Variants in TMEM132B observed in about 807,000 individuals in gnomAD.
The protein encoded by TMEM132B is transmembrane protein 132B.
Under a neutral mutation model 90.8 loss-of-function variants are expected in TMEM132B, and 18 were observed. That is an observed-to-expected ratio of 0.20 (90% CI 0.14 to 0.29). The LOEUF (loss-of-function observed/expected upper bound fraction) is 0.29, where lower values mean the gene tolerates loss of function less well. Among genes scored for constraint, TMEM132B ranks in the 10% least tolerant of loss-of-function variants. The pLI, the probability that TMEM132B is intolerant of heterozygous loss-of-function variation, is 1.00. For synonymous variants in TMEM132B, 504 were observed against 523.3 expected, an observed-to-expected ratio of 0.96 and a Z score of 0.50; for missense variants, 1,096 against 1,326.8, an observed-to-expected ratio of 0.83 and a Z score of 2.70.
intron 2 of TMEM132B, among the ~76,000 whole-genome samples, chr12:125,396,647 C>T (rs1342348069): frequency 6.6e-6 from 1 of 151,978 alleles, no homozygotes; most frequent in Non-Finnish European, 1.5e-5. Flanking sequence ...GCTGGGACTG[C>T]AGGCACGTGC....
At chr12:125,543,910 G>A (rs1367267427) in intron 4 of TMEM132B, among the ~76,000 whole-genome samples, 1 of 151,102 alleles carries the variant, frequency 6.6e-6, no homozygotes, top group Non-Finnish European at 1.5e-5. Flanking sequence ...TATGTTCACT[G>A]CAGCACTATT....
At chr12:125,613,533 C>T (rs911321947) in intron 5 of TMEM132B, among the ~76,000 whole-genome samples, 1 of 151,562 alleles carries the variant, frequency 6.6e-6, no homozygotes, top group African/African-American at 2.4e-5. Context: ...TCTAGTGTAA[C>T]ATTTTAATTT....
intron 2 of TMEM132B, among the ~76,000 whole-genome samples, chr12:125,402,461 A>G (rs1474258682): frequency 1.3e-5 from 2 of 152,196 alleles, no homozygotes; most frequent in African/African-American, 2.4e-5. Context: ...ACCGGCATGA[A>G]TCACCATGCC....
chr12:125,237,938 G>A (rs989289770), intron 1 of TMEM132B, among the ~76,000 whole-genome samples: 5 of 152,160 alleles, frequency 3.3e-5, no homozygotes, highest in Non-Finnish European at 7.4e-5. Context: ...TGGTTCCTTA[G>A]AGGGGCCATG....
At chr12:125,593,665 T>G (rs779463938) in intron 5 of TMEM132B, among the ~76,000 whole-genome samples, 7 of 152,198 alleles carry the variant, frequency 4.6e-5, no homozygotes, top group African/African-American at 4.8e-5. Context: ...GGACTCTCAT[T>G]CATGTTTGGG....
intron 5 of TMEM132B, among the ~76,000 whole-genome samples, chr12:125,590,519 GTT>G (rs1885291878): frequency 6.6e-6 from 1 of 152,148 alleles, no homozygotes; most frequent in Non-Finnish European, 1.5e-5. Flanking sequence ...AAGGTAGAAG[GTT>G]CCCTGTAGTC....
At chr12:125,371,340 G>C (rs866731732) in intron 2 of TMEM132B, among the ~76,000 whole-genome samples, 2 of 152,174 alleles carry the variant, frequency 1.3e-5, no homozygotes, top group Non-Finnish European at 2.9e-5. Context: ...CTTCAATCAA[G>C]TTGACGCTTA....
Position 125,539,030 on chromosome 12 carries a change from C to G in TMEM132B, c.1293+19405C>G, listed in dbSNP as rs567370220. Among the ~76,000 whole-genome samples, 3 of 152,264 alleles carry G rather than the reference C, an allele frequency of 2.0e-5. No homozygotes were observed. The South Asian group carries it at 6.2e-4, about 32-fold the overall frequency. ...CCAGACCGCCTGTCCTGGCCTCCTG[C>G]CTGGTCTCCCTGTTCCACTCCCGTG... On this transcript the variant is annotated intron_variant, in intron 4 of 8. Coordinates refer to ENST00000682704, the MANE Select transcript of TMEM132B (RefSeq NM_001366854.1).
intron 5 of TMEM132B, among the ~76,000 whole-genome samples, chr12:125,591,475 C>T (rs2136894827): frequency 6.6e-6 from 1 of 152,272 alleles, no homozygotes; most frequent in South Asian, 2.1e-4. Context: ...TTACAAGGAC[C>T]CTTGTGATTA....
chr12:125,318,659 C>CTT (rs1876347859), intron 1 of TMEM132B, among the ~76,000 whole-genome samples: 1 of 152,190 alleles, frequency 6.6e-6, no homozygotes, highest in Admixed American at 6.5e-5. Context: ...AGGACAATGG[C>CTT]TTCCAGCTCC....
At position 125,326,903 on chromosome 12, in the gene TMEM132B, A is replaced by G. The variant is rs562925103; in HGVS notation, c.68-22549A>G. Among the ~76,000 whole-genome samples the G allele has an allele frequency of 1.4e-3, 209 of 152,180 alleles. 2 individuals are homozygous for G. The highest frequency in any genetic ancestry group is 5.0e-3 in the African/African-American group (206 of 41,518). ...GGCTGCCAAAGCTATTGCCACATGC[A>G]GGGGCCACTTCTCCAGGCTTGGCTT... On this transcript the variant is annotated intron_variant, in intron 1 of 8. Coordinates refer to ENST00000682704, the MANE Select transcript of TMEM132B (RefSeq NM_001366854.1).
chr12:125,543,541 A>C (rs1884009702), intron 4 of TMEM132B, among the ~76,000 whole-genome samples: 1 of 152,230 alleles, frequency 6.6e-6, no homozygotes. Context: ...AGCCAATCTT[A>C]TGCAGATACC....
chr12:125,501,314 A>T (rs979119867), intron 3 of TMEM132B, among the ~76,000 whole-genome samples: 1 of 152,246 alleles, frequency 6.6e-6, no homozygotes, highest in African/African-American at 2.4e-5. Context: ...GGAAATACTT[A>T]TATTAAAAAT....
intron 3 of TMEM132B, among the ~76,000 whole-genome samples, chr12:125,484,645 T>A (rs35445627): frequency 0.29 from 44,034 of 151,850 alleles, 6,634 homozygotes; most frequent in East Asian, 0.51. Flanking sequence ...TTATTATTAT[T>A]ATTGTGACAG....
At chr12:125,536,749 C>T (rs998633082) in intron 4 of TMEM132B, among the ~76,000 whole-genome samples, 1 of 152,036 alleles carries the variant, frequency 6.6e-6, no homozygotes, top group Non-Finnish European at 1.5e-5. Flanking sequence ...AATAGTGGCC[C>T]TCCAAAGATG....
At chr12:125,535,339 A>G (rs1883768419) in intron 4 of TMEM132B, among the ~76,000 whole-genome samples, 1 of 152,156 alleles carries the variant, frequency 6.6e-6, no homozygotes, top group Non-Finnish European at 1.5e-5. Context: ...AGATGAATCA[A>G]GTTTCCAGCC....
At chr12:125,270,545 T>C (rs757710505) in intron 1 of TMEM132B, among the ~76,000 whole-genome samples, 27 of 152,164 alleles carry the variant, frequency 1.8e-4, no homozygotes, top group Non-Finnish European at 3.5e-4. Context: ...GAGGGAAGAA[T>C]GAATCCAAGG....
chr12:125,532,856 A>C (rs1027883791), intron 4 of TMEM132B, among the ~76,000 whole-genome samples: 11 of 152,124 alleles, frequency 7.2e-5, no homozygotes, highest in African/African-American at 2.7e-4. Flanking sequence ...CTTTTAAAAA[A>C]ACAAGTCACT....
Position 125,246,647 on chromosome 12 carries a change from G to C in TMEM132B, c.67+59781G>C, listed in dbSNP as rs1193506675. ...ATTTAAAGAGGAAGCCCTGGTTCCAGTGTTGGCTTCAGAGAACAAACAAAT... is the reference window on the plus strand; with the variant it reads ...ATTTAAAGAGGAAGCCCTGGTTCCACTGTTGGCTTCAGAGAACAAACAAAT... On this transcript the variant is annotated intron_variant, in intron 1 of 8. Transcript: ENST00000682704. The surrounding 1 kb of genome is among the most constrained non-coding windows in gnomAD (Gnocchi z 4.2). Among the ~76,000 whole-genome samples the C allele has an allele frequency of 6.6e-6, 1 of 152,242 alleles. No homozygotes were observed.
Sources: gnomAD v4.1 joint callset for allele counts (sites outside exome capture counted in the v4.1 genomes callset) on GRCh38, gnomAD v4.1.1 for gene constraint, Gnocchi (gnomAD v3.1) non-coding constraint, MANE v1.5 for transcripts, NCBI Gene and HGNC (gene_info 2026-07-23, HGNC 2026-07-21) for gene names.